Variants in LRRC49 observed in about 807,000 individuals in gnomAD.
The protein encoded by LRRC49 is leucine-rich repeat-containing protein 49.
LRRC49 carries 50 observed loss-of-function variants against 83.3 expected under a neutral mutation model. The ratio of observed to expected loss-of-function variants is 0.60; its 90% CI spans 0.48 to 0.76. The LOEUF (loss-of-function observed/expected upper bound fraction) is 0.76, where lower values mean the gene tolerates loss of function less well. Ranked by LOEUF, LRRC49 falls within the 30% of genes least tolerant of loss-of-function variation. LRRC49 has a pLI of 0.00. For missense variants in LRRC49, 704 were observed against 809.1 expected, an observed-to-expected ratio of 0.87 and a Z score of 1.58; for synonymous variants, 286 against 283.3, an observed-to-expected ratio of 1.01 and a Z score of -0.10.
intron 14 of LRRC49, among the ~76,000 whole-genome samples, chr15:71,022,456 T>C (rs977949918): frequency 6.6e-6 from 1 of 152,150 alleles, no homozygotes; most frequent in African/African-American, 2.4e-5. Flanking sequence ...TTACAAGAGA[T>C]ACATCTGACA....
At chr15:70,887,014 G>A (rs1218990074) in intron 2 of LRRC49, among the ~76,000 whole-genome samples, 1 of 151,834 alleles carries the variant, frequency 6.6e-6, no homozygotes, top group African/African-American at 2.4e-5. Flanking sequence ...AATTTAGATG[G>A]AACAGACAAA....
intron 11 of LRRC49, among the ~76,000 whole-genome samples, chr15:70,995,968 G>T (rs1251743660): frequency 6.6e-6 from 1 of 152,100 alleles, no homozygotes; most frequent in Non-Finnish European, 1.5e-5. Context: ...GATGTGGGGG[G>T]TTCAATGGAG....
chr15:70,922,754 C>T (rs936513002), intron 7 of LRRC49, among the ~76,000 whole-genome samples: 10 of 151,942 alleles, frequency 6.6e-5, no homozygotes, highest in Non-Finnish European at 1.3e-4. Flanking sequence ...ACATTGCATG[C>T]CTGTATCAAA....
intron 15 of LRRC49, 150 bp downstream of exon 15, chr15:71,037,482 G>A (rs2039560332): frequency 1.8e-6 from 1 of 542,910 alleles, no homozygotes; most frequent in African/African-American, 1.9e-5. Context: ...GGGACAGTAG[G>A]TACCCAGGCA....
intron 11 of LRRC49, among the ~76,000 whole-genome samples, chr15:70,998,773 T>A (rs748713678): frequency 0.017 from 126 of 7,414 alleles, no homozygotes; most frequent in Non-Finnish European, 0.065. Context: ...TTCTTTCTGC[T>A]TTTTTTTTTC....
At chr15:71,020,954 C>A (rs908071063) in intron 14 of LRRC49, among the ~76,000 whole-genome samples, 4 of 152,108 alleles carry the variant, frequency 2.6e-5, no homozygotes, top group African/African-American at 9.7e-5. Flanking sequence ...TTAGGAGTAT[C>A]CAATCTTTTG....
In LRRC49 at chr15:70,859,808, G is replaced by A. The variant is rs1009327468; in HGVS notation, c.-299+6339G>A. The stretch of plus-strand genomic sequence containing the variant: ...GGCCTCTCTGCAATGGGCCAGGCAG[G>A]ATATGGTGTGGCAGCTGCGTGAGTA... On this transcript the variant is annotated intron_variant, in intron 1 of 16. Transcript: ENST00000544974. 3.3e-5 allele frequency: 25 copies of A among 755,004 alleles called. No homozygotes were observed. In the African/African-American group the frequency reaches 4.3e-4, roughly 13 times the overall value. The allele number at this position is 755,004 out of a possible 1,614,324, so 46.8% of individuals were successfully genotyped here. A position where few individuals can be genotyped will look rare whatever the true frequency, so the allele number is the denominator to read the frequency against.
intron 7 of LRRC49, among the ~76,000 whole-genome samples, chr15:70,931,745 A>T (rs2035415524): frequency 6.6e-6 from 1 of 152,012 alleles, no homozygotes; most frequent in Non-Finnish European, 1.5e-5. Flanking sequence ...ACTGTTACTC[A>T]TGGTAATTTT....
At chr15:70,970,994 T>C (rs1490079096) in intron 9 of LRRC49, among the ~76,000 whole-genome samples, 1 of 152,202 alleles carries the variant, frequency 6.6e-6, no homozygotes, top group Admixed American at 6.5e-5. Flanking sequence ...TCAGTTCTGC[T>C]CTGATCTTAG....
chr15:70,947,773 C>G (rs1408872782), intron 8 of LRRC49, among the ~76,000 whole-genome samples: 1 of 152,188 alleles, frequency 6.6e-6, no homozygotes, highest in African/African-American at 2.4e-5. Flanking sequence ...CTGGGAAGCA[C>G]TGCTGCAGAG....
chr15:71,035,249 G>A (rs1341294669), intron 14 of LRRC49, among the ~76,000 whole-genome samples: 9 of 151,948 alleles, frequency 5.9e-5, no homozygotes, highest in Non-Finnish European at 1.3e-4. Context: ...AGTATACAAA[G>A]TTGTATGTTT....
At chr15:70,907,945 C>G (rs1370426770) in intron 5 of LRRC49, 4 of 455,896 alleles carry the variant, frequency 8.8e-6, no homozygotes, top group Non-Finnish European at 1.8e-5. Context: ...TAGGGGCCTT[C>G]TAGGTCAACT....
At position 70,901,057 on chromosome 15, in the gene LRRC49, G is replaced by T. The variant is rs1462167310; in HGVS notation, c.296+33G>T. ...CAATTTCTTTTCTTTTCTTTTTTTT[G>T]ACTAGGTAATACATAGACGTGGTAC... On this transcript the variant is annotated intron_variant, in intron 4 of 15. Transcript: ENST00000260382. The T allele has an allele frequency of 3.0e-6, 4 of 1,314,326 alleles. No individual in the cohort carries two copies. The African/African-American group carries it at 4.4e-5, about 15-fold the overall frequency. 81.4% of individuals were successfully genotyped at this position (1,314,326 alleles called of 1,614,324 possible).
intron 9 of LRRC49, among the ~76,000 whole-genome samples, chr15:70,964,133 C>A (rs2036708893): frequency 6.6e-6 from 1 of 152,104 alleles, no homozygotes; most frequent in Non-Finnish European, 1.5e-5. Flanking sequence ...TTTAAAATTC[C>A]TAGCCTTCTG....
chr15:70,859,325 A>G (rs1343313182), intron 1 of LRRC49: 3 of 786,294 alleles, frequency 3.8e-6, no homozygotes, highest in East Asian at 2.4e-5. Context: ...TGAAGCTTAC[A>G]TGAACAAGAT....
chr15:71,013,005 T>C lies in LRRC49; in HGVS notation c.1703+92T>C, dbSNP rs186925311. ...ATACCTCCTAACTATGCTAATTATGTGTTCCATAAACATGTATCCTAGACT... is the reference window on the plus strand; with the variant it reads ...ATACCTCCTAACTATGCTAATTATGCGTTCCATAAACATGTATCCTAGACT... On this transcript the variant is annotated intron_variant, in intron 14 of 15. Transcript: ENST00000260382. 3 of 789,236 alleles carry C rather than the reference T, an allele frequency of 3.8e-6. No homozygotes were observed. In the Admixed American group the frequency reaches 7.1e-5, roughly 19 times the overall value. The allele number at this position is 789,236 out of a possible 1,614,324, so 48.9% of individuals were successfully genotyped here.
At chr15:71,002,662 GA>G (rs1424902320) in intron 11 of LRRC49, among the ~76,000 whole-genome samples, 1 of 151,950 alleles carries the variant, frequency 6.6e-6, no homozygotes, top group African/African-American at 2.4e-5. Flanking sequence ...TGTTGTAATA[GA>G]AATTCATAAA....
intron 8 of LRRC49, among the ~76,000 whole-genome samples, chr15:70,949,268 T>C (rs2036127200): frequency 6.6e-6 from 1 of 152,136 alleles, no homozygotes. Context: ...AACATTTTGG[T>C]CAACGATGGA....
At position 70,984,219 on chromosome 15, in the gene LRRC49, T is replaced by C. The variant is rs199928514; in HGVS notation, c.1131T>C (p.Ile377=). Residue 377 remains isoleucine, a synonymous_variant, in exon 11 of 16, where the codon ATT becomes ATC. Coordinates refer to ENST00000260382, the MANE Select transcript of LRRC49 (RefSeq NM_017691.5). ...ACTCTCCTCAGGACCCCTGTCAGAT[T>C]GATGGAAGCACCCTCTCTGCATTCC... ...DSDSPQDPCQ[I]DGSTLSAFPE... 3.1e-4 allele frequency: 502 copies of C among 1,613,034 alleles called. No individual in the cohort carries two copies. The highest frequency in any genetic ancestry group is 4.9e-5 in the Non-Finnish European group (58 of 1,179,470).
Sources: allele counts gnomAD v4.1 joint callset (sites outside exome capture counted in the v4.1 genomes callset), GRCh38; gene constraint gnomAD v4.1.1; transcripts MANE v1.5; gene names NCBI Gene and HGNC (gene_info 2026-07-23, HGNC 2026-07-21).